Variants in GALNTL6 observed in about 807,000 individuals in gnomAD.
GALNTL6 encodes the protein polypeptide N-acetylgalactosaminyltransferase-like 6.
A neutral mutation model predicts 73.7 loss-of-function variants in GALNTL6; 46 were observed. That is an observed-to-expected ratio of 0.62 (90% CI 0.49 to 0.80). The LOEUF (loss-of-function observed/expected upper bound fraction) is 0.80, where lower values mean the gene tolerates loss of function less well. Ranked by LOEUF, GALNTL6 falls within the 30% of genes least tolerant of loss-of-function variation. GALNTL6 has a pLI of 0.00. For synonymous variants in GALNTL6, 259 were observed against 263.7 expected, an observed-to-expected ratio of 0.98 and a Z score of 0.17; for missense variants, 604 against 755.0, an observed-to-expected ratio of 0.80 and a Z score of 2.34.
chr4:172,421,340 T>G (rs1731047031), intron 5 of GALNTL6, among the ~76,000 whole-genome samples: 1 of 152,090 alleles, frequency 6.6e-6, no homozygotes, highest in African/African-American at 2.4e-5. Context: ...AGTAGGATAG[T>G]TCCAGTCATA....
At chr4:172,587,071 A>G (rs964879015) in intron 5 of GALNTL6, among the ~76,000 whole-genome samples, 1 of 152,212 alleles carries the variant, frequency 6.6e-6, no homozygotes, top group Non-Finnish European at 1.5e-5. Flanking sequence ...AGGTTAAGGA[A>G]ATGAATGTGA....
intron 2 of GALNTL6, among the ~76,000 whole-genome samples, chr4:172,124,230 T>C (rs961721452): frequency 1.3e-5 from 2 of 152,204 alleles, no homozygotes; most frequent in African/African-American, 2.4e-5. Context: ...ATAAATGTAA[T>C]TGAAAGAATA....
chr4:172,565,350 G>A (rs555676378), intron 5 of GALNTL6, among the ~76,000 whole-genome samples: 15 of 152,288 alleles, frequency 9.8e-5, no homozygotes, highest in African/African-American at 3.6e-4. Context: ...GTATTATTGA[G>A]ATGATCATGT....
chr4:172,086,162 T>C (rs1461072557), intron 2 of GALNTL6, among the ~76,000 whole-genome samples: 1 of 152,138 alleles, frequency 6.6e-6, no homozygotes, highest in East Asian at 1.9e-4. Context: ...ATAGTAGAGA[T>C]AATAATTTAT....
chr4:172,814,704 A>G (rs1293955711), intron 7 of GALNTL6, among the ~76,000 whole-genome samples: 2 of 152,190 alleles, frequency 1.3e-5, no homozygotes, highest in Non-Finnish European at 2.9e-5. Context: ...TACGAAAACC[A>G]CTTCCTTGAC....
chr4:172,577,381 T>C (rs758171045), intron 5 of GALNTL6, among the ~76,000 whole-genome samples: 4 of 152,230 alleles, frequency 2.6e-5, no homozygotes. Flanking sequence ...TTTATCCCTC[T>C]GTGTCCAGAG....
intron 7 of GALNTL6, among the ~76,000 whole-genome samples, chr4:172,836,326 G>A (rs918595090): frequency 1.3e-5 from 2 of 152,212 alleles, no homozygotes; most frequent in African/African-American, 4.8e-5. Flanking sequence ...CTCACAAGCT[G>A]TCAGCTTTCA....
chr4:172,429,731 G>A (rs1731369679), intron 5 of GALNTL6, among the ~76,000 whole-genome samples: 1 of 152,148 alleles, frequency 6.6e-6, no homozygotes, highest in Non-Finnish European at 1.5e-5. Context: ...AGAAGATAAG[G>A]AGGAAAACAA....
At chr4:172,102,968 C>A (rs193194904) in intron 2 of GALNTL6, among the ~76,000 whole-genome samples, 21 of 152,286 alleles carry the variant, frequency 1.4e-4, no homozygotes, top group African/African-American at 5.1e-4. Flanking sequence ...TTCAAAGTTT[C>A]TCTCTCTTCA....
In GALNTL6 at chr4:172,779,411, C is replaced by T. The variant is rs140372707; in HGVS notation, c.554-29950C>T. On this transcript the variant is annotated intron_variant, in intron 5 of 12. Coordinates refer to ENST00000506823, the MANE Select transcript of GALNTL6 (RefSeq NM_001034845.3). ...TGCCCAGCCCAGTCAGCGTGCTTAT[C>T]GGCAGGGAGGGGTTCTGCCGATCTG... Among the ~76,000 whole-genome samples the T allele has an allele frequency of 3.0e-3, 458 of 152,230 alleles. 5 individuals are homozygous for T. Among genetic ancestry groups the T allele is most frequent in the African/African-American group, 0.011 (444 of 41,522 alleles).
chr4:172,800,030 G>A (rs2110956943), intron 5 of GALNTL6, among the ~76,000 whole-genome samples: 1 of 152,240 alleles, frequency 6.6e-6, no homozygotes, highest in Admixed American at 6.5e-5. Context: ...AAGAAAACCT[G>A]TATGATACCA....
intron 5 of GALNTL6, among the ~76,000 whole-genome samples, chr4:172,369,433 G>T (rs1475259224): frequency 1.3e-5 from 2 of 152,200 alleles, no homozygotes; most frequent in Non-Finnish European, 2.9e-5. Context: ...TGGATCCCGT[G>T]CCAGGGCTGC....
At chr4:172,037,466 G>C (rs959855120) in intron 2 of GALNTL6, among the ~76,000 whole-genome samples, 2 of 152,048 alleles carry the variant, frequency 1.3e-5, no homozygotes, top group Non-Finnish European at 2.9e-5. Context: ...CTATTTCACA[G>C]GAAAACTAGA....
At chr4:171,816,803 T>C (rs901010908) in intron 2 of GALNTL6, among the ~76,000 whole-genome samples, 1 of 151,976 alleles carries the variant, frequency 6.6e-6, no homozygotes, top group African/African-American at 2.4e-5. Flanking sequence ...TTATTATAAT[T>C]AGAAGGAAAA....
intron 5 of GALNTL6, among the ~76,000 whole-genome samples, chr4:172,532,777 G>T (rs1735208042): frequency 6.6e-6 from 1 of 152,012 alleles, no homozygotes; most frequent in African/African-American, 2.4e-5. Context: ...CCATGGCTTT[G>T]TTTTTGTGTT....
chr4:172,543,457 G>A (rs1237488810), intron 5 of GALNTL6, among the ~76,000 whole-genome samples: 1 of 152,212 alleles, frequency 6.6e-6, no homozygotes, highest in African/African-American at 2.4e-5. Context: ...TAGGGGCGCT[G>A]TCTTCCTTGA....
intron 5 of GALNTL6, among the ~76,000 whole-genome samples, chr4:172,471,255 A>G (rs1733037889): frequency 1.3e-5 from 2 of 152,222 alleles, no homozygotes; most frequent in African/African-American, 2.4e-5. Context: ...ACTAGAATCC[A>G]GAGCTTCAGT....
intron 4 of GALNTL6, among the ~76,000 whole-genome samples, chr4:172,316,958 A>G (rs140004250): frequency 1.3e-5 from 2 of 152,296 alleles, no homozygotes; most frequent in African/African-American, 4.8e-5. Context: ...CAACTACAGT[A>G]AGCTTTGTAA....
At chr4:172,114,603 A>T (rs1045198590) in intron 2 of GALNTL6, among the ~76,000 whole-genome samples, 6 of 152,096 alleles carry the variant, frequency 3.9e-5, no homozygotes, top group Admixed American at 3.3e-4. Context: ...ATCACAAGAA[A>T]AATGTCAGAA....
Sources: gnomAD v4.1 joint callset for allele counts (sites outside exome capture counted in the v4.1 genomes callset) on GRCh38, gnomAD v4.1.1 for gene constraint, MANE v1.5 for transcripts, NCBI Gene and HGNC (gene_info 2026-07-23, HGNC 2026-07-21) for gene names.